CD2AP: variants seen among roughly 807,000 people sequenced by gnomAD.
The protein encoded by CD2AP is CD2-associated protein.
CD2AP carries 46 observed loss-of-function variants against 85.1 expected under a neutral mutation model. The ratio of observed to expected loss-of-function variants is 0.54; its 90% CI spans 0.43 to 0.69. CD2AP has a LOEUF of 0.69. Ranked by LOEUF, CD2AP falls within the 30% of genes least tolerant of loss-of-function variation. The pLI is 0.00. For synonymous variants in CD2AP, 255 were observed against 252.9 expected, an observed-to-expected ratio of 1.01 and a Z score of -0.08; for missense variants, 769 against 729.5, an observed-to-expected ratio of 1.05 and a Z score of -0.62.
rs756406508 is a variant in CD2AP, at chr6:47,494,545, T to C, written c.5-8735T>C. On this transcript the variant is annotated intron_variant, in intron 1 of 17. Transcript: ENST00000359314. ...GCCCCTGACAGTCTTTCCCTTGGAG[T>C]GTAGGCCTTTGTTACAGAGAATACT... Among the ~76,000 whole-genome samples the C allele has an allele frequency of 1.5e-3, 233 of 152,166 alleles. 1 individual carries two copies. The highest frequency in any genetic ancestry group is 3.4e-3 in the Middle Eastern group (1 of 294).
At chr6:47,595,744 G>A in intron 11 of CD2AP, 117 bp from the exon 12 acceptor site, 1 of 750,932 alleles carries the variant, frequency 1.3e-6, no homozygotes, top group Admixed American at 2.1e-5. Context: ...CAAATACAGA[G>A]AATGAAAGTT....
intron 2 of CD2AP, among the ~76,000 whole-genome samples, chr6:47,507,980 A>G (rs1171704238): frequency 6.6e-6 from 1 of 152,220 alleles, no homozygotes; most frequent in East Asian, 1.9e-4. Context: ...TGCTGTAAAT[A>G]GATGTGCTGT....
intron 16 of CD2AP, among the ~76,000 whole-genome samples, chr6:47,609,830 A>G (rs1176386756): frequency 6.6e-6 from 1 of 152,224 alleles, no homozygotes. Context: ...ACGTGCATAC[A>G]TAACCATAAT....
chr6:47,604,920 T>C (rs1769229310), intron 13 of CD2AP, among the ~76,000 whole-genome samples: 2 of 152,000 alleles, frequency 1.3e-5, no homozygotes, highest in South Asian at 4.1e-4. Context: ...TATCAGCAAA[T>C]TATTCTAGTT....
chr6:47,601,964 A>T (rs1769151439), intron 13 of CD2AP, among the ~76,000 whole-genome samples: 1 of 151,976 alleles, frequency 6.6e-6, no homozygotes. Context: ...GTACATGTAT[A>T]TGTCTGCTGG....
At chr6:47,578,185 C>T (rs1768364853) in intron 8 of CD2AP, among the ~76,000 whole-genome samples, 1 of 151,802 alleles carries the variant, frequency 6.6e-6, no homozygotes. Flanking sequence ...CTTAGAAGGT[C>T]TTGTTAATTA....
At chr6:47,562,151 C>T (rs975635042) in intron 5 of CD2AP, among the ~76,000 whole-genome samples, 3 of 152,034 alleles carry the variant, frequency 2.0e-5, no homozygotes, top group Non-Finnish European at 4.4e-5. Context: ...TTGCCTTGTT[C>T]GTTTGCTTTT....
chr6:47,549,161 C>G (rs906527241), intron 4 of CD2AP, among the ~76,000 whole-genome samples: 3 of 152,116 alleles, frequency 2.0e-5, no homozygotes, highest in African/African-American at 4.8e-5. Flanking sequence ...GATGCCTGCT[C>G]TCACCACTCC....
chr6:47,532,821 A>G (rs1394144122), intron 2 of CD2AP, among the ~76,000 whole-genome samples: 4 of 152,216 alleles, frequency 2.6e-5, no homozygotes, highest in African/African-American at 9.6e-5. Flanking sequence ...ATATTACATC[A>G]ATTTTAAGGG....
intron 1 of CD2AP, among the ~76,000 whole-genome samples, chr6:47,496,078 A>G (rs931078761): frequency 6.6e-6 from 1 of 151,972 alleles, no homozygotes; most frequent in African/African-American, 2.4e-5. Context: ...TTTCTTTTCT[A>G]CATTGCTGAT....
chr6:47,515,538 T>C (rs775723720), intron 2 of CD2AP, among the ~76,000 whole-genome samples: 4 of 152,266 alleles, frequency 2.6e-5, no homozygotes, highest in Non-Finnish European at 5.9e-5. Flanking sequence ...GCTGGTAATA[T>C]GGGCTAAAAA....
chr6:47,549,937 CAAACAA>C (rs1294729527), intron 4 of CD2AP, among the ~76,000 whole-genome samples: 3 of 152,046 alleles, frequency 2.0e-5, no homozygotes, highest in African/African-American at 7.2e-5. Context: ...TTCGACAAAG[CAAACAA>C]AAACAAAAAG....
At chr6:47,517,433 G>A (rs1229142643) in intron 2 of CD2AP, among the ~76,000 whole-genome samples, 1 of 152,088 alleles carries the variant, frequency 6.6e-6, no homozygotes, top group African/African-American at 2.4e-5. Flanking sequence ...GACTACAGGT[G>A]TGTGCCACCA....
At chr6:47,599,263 C>CAT (rs1222952964) in intron 12 of CD2AP, 38 bp from the exon 13 acceptor site, 29 of 1,582,818 alleles carry the variant, frequency 1.8e-5, no homozygotes, top group African/African-American at 2.7e-5. Context: ...AGTCGTGTTT[C>CAT]ATACTAGTGA....
chr6:47,558,933 G>T (rs753605078), intron 5 of CD2AP, among the ~76,000 whole-genome samples: 3 of 152,136 alleles, frequency 2.0e-5, no homozygotes, highest in South Asian at 2.1e-4. Context: ...GTAGAGTTCG[G>T]CTATGAATCC....
chr6:47,625,935 G>A lies in CD2AP; in HGVS notation c.*1708G>A, dbSNP rs1346266169. On this transcript the variant is annotated 3_prime_UTR_variant, in exon 18 of 18. Coordinates refer to ENST00000359314, the MANE Select transcript of CD2AP (RefSeq NM_012120.3). The stretch of plus-strand genomic sequence containing the variant: ...GTTCCCTCTTCTGTTAAATAGAATA[G>A]GTTTAAATGACTAGTCAAATGAATT... The A allele has an allele frequency of 2.0e-5, 3 of 151,742 alleles. No individual in the cohort carries two copies. The highest frequency in any genetic ancestry group is 7.2e-5 in the African/African-American group (3 of 41,386). 9.4% of individuals were successfully genotyped at this position (151,742 alleles called of 1,614,324 possible). A position where few individuals can be genotyped will look rare whatever the true frequency, so the allele number is the denominator to read the frequency against.
intron 6 of CD2AP, 55 bp from the exon 7 acceptor site, chr6:47,576,469 C>A: frequency 8.7e-7 from 1 of 1,144,818 alleles, no homozygotes; most frequent in Non-Finnish European, 1.3e-6. Context: ...CTTTGTTTAA[C>A]AGTATTATCT....
At chr6:47,537,503 T>C (rs1224595756) in intron 3 of CD2AP, among the ~76,000 whole-genome samples, 1 of 152,182 alleles carries the variant, frequency 6.6e-6, no homozygotes, top group Admixed American at 6.5e-5. Flanking sequence ...GGAATAATTG[T>C]GCAGTGAACA....
intron 5 of CD2AP, among the ~76,000 whole-genome samples, chr6:47,566,422 TTTGTGGTATA>T (rs1231188183): frequency 2.0e-5 from 3 of 151,562 alleles, no homozygotes; most frequent in Non-Finnish European, 4.4e-5. Flanking sequence ...TGAATAGTTT[TTTGTGGTATA>T]TGTAGAACTT....
Sources: allele counts gnomAD v4.1 joint callset (sites outside exome capture counted in the v4.1 genomes callset), GRCh38; gene constraint gnomAD v4.1.1; transcripts MANE v1.5; gene names NCBI Gene and HGNC (gene_info 2026-07-23, HGNC 2026-07-21).